Variants in PDE8B observed in about 807,000 individuals in gnomAD.
The protein encoded by PDE8B is high affinity cAMP-specific and IBMX-insensitive 3',5'-cyclic phosphodiesterase 8B.
Under a neutral mutation model 101.3 loss-of-function variants are expected in PDE8B, and 26 were observed. The ratio of observed to expected loss-of-function variants is 0.26; its 90% CI spans 0.19 to 0.36. The LOEUF is 0.36. Ranked by LOEUF, PDE8B falls within the 10% of genes least tolerant of loss-of-function variation. PDE8B has a pLI of 1.00. For missense variants in PDE8B, 810 were observed against 1,163.1 expected (o/e 0.70, Z 4.42); for synonymous variants, 424 against 429.3 (o/e 0.99, Z 0.15).
chr5:77,186,900 C>G, the PDE8B span, among the ~76,000 whole-genome samples: 1 of 152,034 alleles, frequency 6.6e-6, no homozygotes, highest in Middle Eastern at 3.2e-3. Flanking sequence ...ATTCTGTTTC[C>G]TACTAGAAAG....
At chr5:77,254,185 A>G (rs1758641684) in intron 1 of PDE8B, among the ~76,000 whole-genome samples, 1 of 152,162 alleles carries the variant, frequency 6.6e-6, no homozygotes, top group Admixed American at 6.5e-5. Context: ...TAGATTATAT[A>G]TGATGGAACT....
intron 1 of PDE8B, among the ~76,000 whole-genome samples, chr5:77,300,304 G>A (rs560426872): frequency 4.6e-5 from 7 of 152,172 alleles, no homozygotes; most frequent in African/African-American, 9.7e-5. Flanking sequence ...AGTTTGAACC[G>A]TTTTTTAAAA....
intron 1 of PDE8B, among the ~76,000 whole-genome samples, chr5:77,259,428 A>G (rs766992656): frequency 2.0e-5 from 3 of 151,764 alleles, no homozygotes; most frequent in Admixed American, 6.6e-5. Context: ...ACATGCCCCA[A>G]CTCTCCTAAA....
At chr5:77,127,265 C>T in the PDE8B span, among the ~76,000 whole-genome samples, 37,515 of 151,900 alleles carry the variant, frequency 0.25, 6,048 homozygotes, top group African/African-American at 0.47. Flanking sequence ...AGGGAGGTGA[C>T]TGGATTATGG....
intron 1 of PDE8B, among the ~76,000 whole-genome samples, chr5:77,230,312 T>C (rs1396771314): frequency 6.6e-6 from 1 of 152,198 alleles, no homozygotes; most frequent in Non-Finnish European, 1.5e-5. Context: ...GTCAATTTAA[T>C]TTACACTGCA....
chr5:77,116,393 G>A, the PDE8B span, among the ~76,000 whole-genome samples: 41 of 151,572 alleles, frequency 2.7e-4, no homozygotes, highest in Non-Finnish European at 3.5e-4. Context: ...CACCACACCC[G>A]GCTAACTCTT....
chr5:77,329,092 A>G, intron 4 of PDE8B, 35 bp downstream of exon 4: 1 of 1,528,576 alleles, frequency 6.5e-7, no homozygotes, highest in Non-Finnish European at 9.1e-7. Flanking sequence ...TGGAAGGAGT[A>G]CTGTTCATTC....
At chr5:77,190,546 C>T in the PDE8B span, among the ~76,000 whole-genome samples, 2 of 152,170 alleles carry the variant, frequency 1.3e-5, no homozygotes, top group African/African-American at 2.4e-5. Context: ...AAGTGAGGCT[C>T]AATGAGAAGC....
At chr5:77,391,214 A>G (rs1310938526) in intron 10 of PDE8B, among the ~76,000 whole-genome samples, 1 of 152,240 alleles carries the variant, frequency 6.6e-6, no homozygotes, top group Non-Finnish European at 1.5e-5. Context: ...GTGAATCATT[A>G]GTTGTACAGT....
intron 10 of PDE8B, among the ~76,000 whole-genome samples, chr5:77,394,034 C>T (rs1325207940): frequency 3.3e-5 from 5 of 152,082 alleles, no homozygotes; most frequent in African/African-American, 1.2e-4. Context: ...TGTCCTGTTA[C>T]AAAACAAAAC....
Position 77,236,187 on chromosome 5 carries a change from G to A in PDE8B, c.339+24923G>A, listed in dbSNP as rs539188812. Reference sequence around the variant, plus strand: ...AGGTCCCGAGTCAGGAATATGCTTGGCATTTTGAGAGAAGCACAAGCAGGC... The same window carrying A: ...AGGTCCCGAGTCAGGAATATGCTTGACATTTTGAGAGAAGCACAAGCAGGC... On this transcript the variant is annotated intron_variant, in intron 1 of 21. Coordinates refer to ENST00000264917, the MANE Select transcript of PDE8B (RefSeq NM_003719.5). Among the ~76,000 whole-genome samples, 8 of 152,348 alleles carry A rather than the reference G, an allele frequency of 5.3e-5. No individual in the cohort carries two copies. The East Asian group carries it at 1.5e-3, about 29-fold the overall frequency.
In PDE8B at chr5:77,362,469, G is replaced by A. The variant is rs531979649; in HGVS notation, c.1167+9063G>A. ...CATATGCTAAATTATGGCCTGGACC[G>A]TAATTTCCTGACCTCCGCTTTATAT... On this transcript the variant is annotated intron_variant, in intron 10 of 21. Coordinates refer to ENST00000264917, the MANE Select transcript of PDE8B (RefSeq NM_003719.5). Among the ~76,000 whole-genome samples the A allele has an allele frequency of 8.5e-5, 13 of 152,260 alleles. No homozygotes were observed. The Middle Eastern group carries it at 0.01, about 120-fold the overall frequency.
the PDE8B span, among the ~76,000 whole-genome samples, chr5:77,096,830 T>C: frequency 6.6e-6 from 1 of 152,200 alleles, no homozygotes; most frequent in Admixed American, 6.5e-5. Context: ...ATACCGGTTA[T>C]ATTGGATTAG....
intron 1 of PDE8B, among the ~76,000 whole-genome samples, chr5:77,219,321 A>G (rs1750559674): frequency 1.3e-5 from 2 of 152,204 alleles, no homozygotes; most frequent in Admixed American, 6.5e-5. Context: ...TTTCTCTCAA[A>G]TAGGAAGATG....
At chr5:77,142,368 G>C in the PDE8B span, 1 of 152,174 alleles carries the variant, frequency 6.6e-6, no homozygotes, top group Non-Finnish European at 1.5e-5. Flanking sequence ...AATGTGATAA[G>C]TTTTGACAAG....
At chr5:77,340,863 A>G (rs1387775612) in intron 6 of PDE8B, among the ~76,000 whole-genome samples, 1 of 151,852 alleles carries the variant, frequency 6.6e-6, no homozygotes, top group East Asian at 1.9e-4. Context: ...TTATACCTGG[A>G]CCCCTGTAAT....
At chr5:77,260,163 AAAAAAAAAAAG>A (rs2149693833) in intron 1 of PDE8B, among the ~76,000 whole-genome samples, 2 of 146,518 alleles carry the variant, frequency 1.4e-5, no homozygotes, top group Admixed American at 6.7e-5. Context: ...ATCACAAAAA[AAAAAAAAAAAG>A]AAAAAAAAGA....
chr5:77,218,056 A>G (rs1274389178), intron 1 of PDE8B, among the ~76,000 whole-genome samples: 1 of 152,112 alleles, frequency 6.6e-6, no homozygotes, highest in African/African-American at 2.4e-5. Context: ...GGATTAGCCT[A>G]CCCTGCTGCA....
the PDE8B span, among the ~76,000 whole-genome samples, chr5:77,180,783 A>T: frequency 6.6e-6 from 1 of 152,192 alleles, no homozygotes; most frequent in Admixed American, 6.5e-5. Context: ...GCTTCTCAGC[A>T]GGAGCTGGAC....
Sources: gnomAD v4.1 joint callset for allele counts (sites outside exome capture counted in the v4.1 genomes callset) on GRCh38, gnomAD v4.1.1 for gene constraint, MANE v1.5 for transcripts, NCBI Gene and HGNC (gene_info 2026-07-23, HGNC 2026-07-21) for gene names.